SLC16A12: variants seen among roughly 807,000 people sequenced by gnomAD.
SLC16A12 encodes monocarboxylate transporter 12.
A neutral mutation model predicts 42.4 loss-of-function variants in SLC16A12; 17 were observed. The ratio of observed to expected loss-of-function variants is 0.40; its 90% CI spans 0.27 to 0.60. The LOEUF (loss-of-function observed/expected upper bound fraction) is 0.60, where lower values mean the gene tolerates loss of function less well. Among genes scored for constraint, SLC16A12 ranks in the 20% least tolerant of loss-of-function variants. The pLI is 0.42. For missense variants in SLC16A12, 544 were observed against 623.0 expected, an observed-to-expected ratio of 0.87 and a Z score of 1.35; for synonymous variants, 224 against 229.4, an observed-to-expected ratio of 0.98 and a Z score of 0.21.
intron 2 of SLC16A12, among the ~76,000 whole-genome samples, chr10:89,511,434 A>T (rs1206427288): frequency 6.6e-6 from 1 of 152,220 alleles, no homozygotes; most frequent in Non-Finnish European, 1.5e-5. Flanking sequence ...TTGCAGGGAC[A>T]TGGATGAAAC....
At chr10:89,538,302 T>A (rs1012383264), upstream of SLC16A12, among the ~76,000 whole-genome samples, 2 of 152,272 alleles carry the variant, frequency 1.3e-5, no homozygotes, top group Admixed American at 1.3e-4. Flanking sequence ...GGAAATGTGC[T>A]ATGTTTGCAC....
Position 89,436,275 on chromosome 10 carries a change from C to T in SLC16A12, c.1073G>A (p.Gly358Glu). The change falls in exon 7 of 8, where the codon GGA (glycine) becomes GAA (glutamate). Residue 358 changes from glycine to glutamate, a missense_variant. Transcript: ENST00000371790. ...YQYVCYLFAV[G>E]MDGLCYLCLP... ...GCAGAGATAGCAGAGCCCATCCATT[C>T]CCACGGCAAAGAGGTAGCAAACATA... The T allele has an allele frequency of 2.5e-6, 4 of 1,614,082 alleles. No individual in the cohort carries two copies. The highest frequency in any genetic ancestry group is 3.4e-6 in the Non-Finnish European group (4 of 1,179,990).
rs767720948 is a variant in SLC16A12 at position 89,430,736 on chromosome 10, T to C, written c.*2328A>G. On this transcript the variant is annotated 3_prime_UTR_variant, in exon 8 of 8. Coordinates refer to ENST00000371790, the MANE Select transcript of SLC16A12 (RefSeq NM_213606.4). ...CATGTATAAAGTCAAATCTCCCAAA[T>C]GTTTTTATACAAAATCTTTAAAATT... 3.2e-5 allele frequency: 15 copies of C among 462,822 alleles called. 1 individual carries two copies. The highest frequency in any genetic ancestry group is 1.9e-4 in the South Asian group (12 of 62,564). 28.7% of individuals were successfully genotyped at this position (462,822 alleles called of 1,614,324 possible).
intron 3 of SLC16A12, among the ~76,000 whole-genome samples, chr10:89,447,112 G>A (rs1015906556): frequency 6.6e-6 from 1 of 152,094 alleles, no homozygotes; most frequent in African/African-American, 2.4e-5. Context: ...CATAAAGCAA[G>A]GACTTAGAGA....
At chr10:89,479,138 C>T (rs1241997710) in intron 2 of SLC16A12, among the ~76,000 whole-genome samples, 1 of 152,214 alleles carries the variant, frequency 6.6e-6, no homozygotes, top group Non-Finnish European at 1.5e-5. Context: ...TGTTTAGTAC[C>T]TACAGCTGGG....
At chr10:89,513,786 T>G (rs1170085680) in intron 2 of SLC16A12, among the ~76,000 whole-genome samples, 1 of 152,186 alleles carries the variant, frequency 6.6e-6, no homozygotes, top group African/African-American at 2.4e-5. Context: ...AAGAAACCAT[T>G]TAAACCAGGA....
intron 3 of SLC16A12, among the ~76,000 whole-genome samples, chr10:89,448,351 T>A (rs1205309958): frequency 1.3e-5 from 2 of 152,152 alleles, no homozygotes; most frequent in Non-Finnish European, 2.9e-5. Context: ...TGAACATTGA[T>A]GCAAAAATCC....
At chr10:89,550,330 C>G (rs1762163591) in intron 2 of SLC16A12, among the ~76,000 whole-genome samples, 1 of 152,106 alleles carries the variant, frequency 6.6e-6, no homozygotes, top group Non-Finnish European at 1.5e-5. Flanking sequence ...ACCAGCCTGG[C>G]CAACATGGTG....
intron 3 of SLC16A12, among the ~76,000 whole-genome samples, chr10:89,460,419 A>G (rs2133741653): frequency 6.6e-6 from 1 of 152,182 alleles, no homozygotes. Context: ...CCTCTTACAG[A>G]GGTCTTCTTA....
chr10:89,524,437 C>A (rs1334008599), intron 2 of SLC16A12, among the ~76,000 whole-genome samples: 1 of 152,324 alleles, frequency 6.6e-6, no homozygotes, highest in Non-Finnish European at 1.5e-5. Context: ...GTCAGCCATG[C>A]CACACCATCC....
At chr10:89,439,847 A>G (rs905414857) in intron 5 of SLC16A12, among the ~76,000 whole-genome samples, 7 of 152,012 alleles carry the variant, frequency 4.6e-5, no homozygotes, top group African/African-American at 1.7e-4. Context: ...TGAGGCAGGC[A>G]GATCACTCGA....
In SLC16A12 at chr10:89,501,070, A is replaced by C. The variant is rs569973147; in HGVS notation, c.-47+33431T>G. 2.6e-5 allele frequency among the ~76,000 whole-genome samples: 4 copies of C among 152,266 alleles called. No individual in the cohort carries two copies. In the South Asian group the frequency reaches 8.3e-4, roughly 32 times the overall value. On this transcript the variant is annotated intron_variant, in intron 2 of 7. Transcript: ENST00000371790. Reference sequence around the variant, plus strand: ...GCTGCAAAAACAAAAAACAAAAAAAACAAAACCTTAGGAATATACCTAACC... The same window carrying C: ...GCTGCAAAAACAAAAAACAAAAAAACCAAAACCTTAGGAATATACCTAACC...
chr10:89,480,675 C>A (rs993850422), intron 2 of SLC16A12, among the ~76,000 whole-genome samples: 4 of 152,080 alleles, frequency 2.6e-5, no homozygotes, highest in Admixed American at 6.5e-5. Flanking sequence ...ATAGCTTAAT[C>A]ATCACTAAAA....
intron 2 of SLC16A12, 171 bp from the exon 3 acceptor site, chr10:89,462,795 T>A (rs551927520): frequency 5.1e-5 from 35 of 685,500 alleles, no homozygotes; most frequent in Admixed American, 3.6e-4. Context: ...CTTTCTTTTT[T>A]AAAAATAAAA....
intron 4 of SLC16A12, among the ~76,000 whole-genome samples, chr10:89,443,102 A>T (rs146626750): frequency 6.6e-6 from 1 of 152,236 alleles, no homozygotes; most frequent in South Asian, 2.1e-4. Flanking sequence ...ATACATTTCT[A>T]GAACACCCTA....
In SLC16A12 at chr10:89,443,741, G is replaced by A. The variant is rs771089030; in HGVS notation, c.304+15C>T. 1.3e-6 allele frequency: 2 copies of A among 1,565,686 alleles called. No individual in the cohort carries two copies. Among genetic ancestry groups the A allele is most frequent in the Non-Finnish European group, 1.8e-6 (2 of 1,135,784 alleles). On this transcript the variant is annotated intron_variant, in intron 4 of 7. Transcript: ENST00000371790. ...GAGTGGCCAGTAATTCCCTATCCTA[G>A]TAAGTAATACTCACCACAGAGCATG...
intron 2 of SLC16A12, among the ~76,000 whole-genome samples, chr10:89,506,942 A>G (rs932521500): frequency 8.5e-5 from 13 of 152,070 alleles, no homozygotes; most frequent in African/African-American, 3.1e-4. Context: ...ACAAGCTTCA[A>G]TAGCCAAAGT....
chr10:89,518,319 T>C (rs895194265), intron 2 of SLC16A12, among the ~76,000 whole-genome samples: 12 of 152,172 alleles, frequency 7.9e-5, no homozygotes, highest in Admixed American at 5.2e-4. Flanking sequence ...CTTCAGTGTG[T>C]CCTGGTCCCC....
chr10:89,468,743 T>C (rs1842447549), intron 2 of SLC16A12, among the ~76,000 whole-genome samples: 1 of 152,220 alleles, frequency 6.6e-6, no homozygotes, highest in African/African-American at 2.4e-5. Context: ...TGAAGCAGTC[T>C]GCAATTCTCC....
Sources: allele counts gnomAD v4.1 joint callset (sites outside exome capture counted in the v4.1 genomes callset), GRCh38; gene constraint gnomAD v4.1.1; transcripts MANE v1.5; gene names NCBI Gene and HGNC (gene_info 2026-07-23, HGNC 2026-07-21).